The following PPP1R13L variants were observed in gnomAD, a reference collection of about 807,000 sequenced individuals.
PPP1R13L encodes the protein relA-associated inhibitor.
A neutral mutation model predicts 80.9 loss-of-function variants in PPP1R13L; 50 were observed. The ratio of observed to expected loss-of-function variants is 0.62; its 90% CI spans 0.49 to 0.78. PPP1R13L has a LOEUF of 0.78. Ranked by LOEUF, PPP1R13L falls within the 30% of genes least tolerant of loss-of-function variation. The probability of loss-of-function intolerance (pLI) is 0.00; values close to 1 mark genes in which losing one functional copy is unlikely to be tolerated. For synonymous variants in PPP1R13L, 602 were observed against 534.3 expected (o/e 1.13, Z -1.75); for missense variants, 1,200 against 1,205.9 (o/e 1.00, Z 0.07).
intron 12 of PPP1R13L, among the ~76,000 whole-genome samples, chr19:45,380,449 C>T (rs529152553): frequency 6.6e-6 from 1 of 152,266 alleles, no homozygotes; most frequent in Non-Finnish European, 1.5e-5. Flanking sequence ...TGTCTCCTAA[C>T]TGCCATAAGG....
chr19:45,379,682 T>G lies in PPP1R13L; in HGVS notation c.*508A>C, dbSNP rs144052015. The G allele has an allele frequency of 2.9e-3, 449 of 153,474 alleles. 1 individual carries two copies. Among genetic ancestry groups the G allele is most frequent in the Non-Finnish European group, 5.2e-3 (355 of 68,790 alleles). 9.5% of individuals were successfully genotyped at this position (153,474 alleles called of 1,614,324 possible). On this transcript the variant is annotated 3_prime_UTR_variant, in exon 13 of 13. Transcript: ENST00000360957. ...TATTTATAAGGAAAGTTTCTCTATT[T>G]TGTTTATAAACATTAAACCAGTGCT...
At chr19:45,385,523 C>T in intron 11 of PPP1R13L, 39 bp downstream of exon 11, 1 of 1,574,392 alleles carries the variant, frequency 6.4e-7, no homozygotes, top group Non-Finnish European at 8.6e-7. Context: ...CTCCTGCGCA[C>T]CCGCCAGGTA....
At position 45,396,305 on chromosome 19, in the gene PPP1R13L, G is replaced by C; in HGVS notation, c.811+33C>G. On this transcript the variant is annotated intron_variant, in intron 5 of 12. Coordinates refer to ENST00000360957, the MANE Select transcript of PPP1R13L (RefSeq NM_006663.4). This position sits in a 1 kb window ranked among gnomAD's most constrained non-coding sequence, Gnocchi z 5.3. ...GGGTCTGTGGGGCTGCCTCTCCTCCGGGTCCTCCATTCCCCGGGCCTCCAC... is the reference window on the plus strand; with the variant it reads ...GGGTCTGTGGGGCTGCCTCTCCTCCCGGTCCTCCATTCCCCGGGCCTCCAC... 1.2e-6 allele frequency: 2 copies of C among 1,613,746 alleles called. No individual in the cohort carries two copies. Among genetic ancestry groups the C allele is most frequent in the Non-Finnish European group, 1.7e-6 (2 of 1,179,954 alleles).
At position 45,391,879 on chromosome 19, in the gene PPP1R13L, C is replaced by G; in HGVS notation, c.1815+1G>C. 6.8e-7 allele frequency: 1 copy of G among 1,475,888 alleles called. No individual in the cohort carries two copies. Among genetic ancestry groups the G allele is most frequent in the Non-Finnish European group, 8.9e-7 (1 of 1,118,492 alleles). The allele number at this position is 1,475,888 out of a possible 1,614,324, so 91.4% of individuals were successfully genotyped here. On this transcript the variant is annotated splice_donor_variant, in intron 8 of 12. Coordinates refer to ENST00000360957, the MANE Select transcript of PPP1R13L (RefSeq NM_006663.4). LOFTEE classifies it high-confidence loss of function. ...CCCCGGTTTCCTCCTGTATTACTTA[C>G]CATGCTCTGCGGCTGCTCTGGTGGG...
chr19:45,393,969 T>C (rs113058985), intron 7 of PPP1R13L, among the ~76,000 whole-genome samples: 230 of 152,252 alleles, frequency 1.5e-3, no homozygotes, highest in African/African-American at 5.4e-3. Context: ...CACAATTCTA[T>C]AGGGTAGATA....
intron 7 of PPP1R13L, chr19:45,392,837 T>C (rs1973004666): frequency 8.8e-6 from 2 of 228,546 alleles, no homozygotes; most frequent in Admixed American, 1.1e-4. Context: ...TTCTCTGTCT[T>C]ACTCATTCTG....
At chr19:45,387,981 C>T (rs923333294) in intron 8 of PPP1R13L, among the ~76,000 whole-genome samples, 1 of 151,998 alleles carries the variant, frequency 6.6e-6, no homozygotes, top group African/African-American at 2.4e-5. Context: ...CCAGCCTGGC[C>T]AACGTGGTGA....
intron 12 of PPP1R13L, 98 bp downstream of exon 12, chr19:45,382,429 C>T (rs1279553482): frequency 2.1e-6 from 3 of 1,399,736 alleles, no homozygotes; most frequent in Admixed American, 1.9e-5. Context: ...CCCAATATAA[C>T]GGTTTGTTCC....
At chr19:45,398,585 C>CT (rs113649282) in intron 1 of PPP1R13L, among the ~76,000 whole-genome samples, 8,211 of 136,490 alleles carry the variant, frequency 0.06, 570 homozygotes, top group African/African-American at 0.16. Flanking sequence ...TTTTTCTTTT[C>CT]TTTTTTTTTT....
In PPP1R13L at chr19:45,395,886, C is replaced by T; in HGVS notation, c.904G>A (p.Asp302Asn). The T allele has an allele frequency of 6.3e-7, 1 of 1,583,526 alleles. No individual in the cohort carries two copies. The highest frequency in any genetic ancestry group is 2.3e-5 in the East Asian group (1 of 44,046). The change falls in exon 7 of 13, where the codon GAC (aspartate) becomes AAC (asparagine). Residue 302 changes from aspartate to asparagine, a missense_variant and splice_region_variant. Coordinates refer to ENST00000360957, the MANE Select transcript of PPP1R13L (RefSeq NM_006663.4). ...SLDGLGGTGK[D>N]NLTSATLPRN... The stretch of plus-strand genomic sequence containing the variant: ...GGCAGGGTGGCGCTAGTGAGGTTGT[C>T]CTGGGGAAGAGGGAAGGGAGAAGGG...
In PPP1R13L at chr19:45,398,146, C is replaced by A. The variant is rs925564099; in HGVS notation, c.57G>T (p.Ser19=). 1.2e-6 allele frequency: 2 copies of A among 1,613,694 alleles called. No homozygotes were observed. The stretch of plus-strand genomic sequence containing the variant: ...TCAGATCCATGTGTTTCATGGCCAG[C>A]GCTGGGAAGGTGGGAGTGGAGGTAA... ...ARDFLDMNFQ[S]LAMKHMDLKQ... Residue 19 remains serine, a splice_region_variant and synonymous_variant, in exon 3 of 13, where the codon TCG becomes TCT. Coordinates refer to ENST00000360957, the MANE Select transcript of PPP1R13L (RefSeq NM_006663.4).
upstream of PPP1R13L, among the ~76,000 whole-genome samples, chr19:45,405,445 C>T (rs148980237): frequency 1.3e-5 from 2 of 152,200 alleles, no homozygotes; most frequent in African/African-American, 4.8e-5. Context: ...CGGGTTGGAT[C>T]TTCAAAGGAT....
chr19:45,385,444 C>A, intron 11 of PPP1R13L, 118 bp downstream of exon 11: 1 of 1,234,392 alleles, frequency 8.1e-7, no homozygotes, highest in Non-Finnish European at 1.1e-6. Context: ...CCTCGGCAAT[C>A]CTGCCAAGTG....
rs752411649 is a variant in PPP1R13L at position 45,392,304 on chromosome 19, G to A, written c.1391C>T (p.Pro464Leu). ...TGGTGTCAGCAGCCCCTCTATCTCC[G>A]GCTCAGGCTCCAGCTCGGTGGGGGG... Reference protein sequence around the residue: ...PKPPTELEPEPEIEGLLTPVL... With the variant: ...PKPPTELEPELEIEGLLTPVL... The change falls in exon 8 of 13, where the codon CCG becomes CTG. Residue 464 changes from proline (P) to leucine (L), a missense_variant. Transcript: ENST00000360957. 32 of 1,613,446 alleles carry A rather than the reference G, an allele frequency of 2.0e-5. No homozygotes were observed. Among genetic ancestry groups the A allele is most frequent in the South Asian group, 1.8e-4 (16 of 91,070 alleles).
Position 45,382,740 on chromosome 19 carries a change from C to T in PPP1R13L, c.2249-14G>A. 1.2e-6 allele frequency: 2 copies of T among 1,613,650 alleles called. No individual in the cohort carries two copies. Among genetic ancestry groups the T allele is most frequent in the Non-Finnish European group, 1.7e-6 (2 of 1,179,874 alleles). ...TCTGCTCGACGTCTGAAACATGCCA[C>T]GGAGGGGAAGGTGAGAGCCTGGCCC... is the stretch of plus-strand genomic sequence containing the variant. On this transcript the variant is annotated splice_polypyrimidine_tract_variant and intron_variant, in intron 11 of 12. Transcript: ENST00000360957.
At chr19:45,397,498 C>CTTTCTTTCTT (rs1973135160) in intron 3 of PPP1R13L, among the ~76,000 whole-genome samples, 2 of 112,576 alleles carry the variant, frequency 1.8e-5, no homozygotes, top group Non-Finnish European at 3.3e-5. Flanking sequence ...TTCTTTCTTT[C>CTTTCTTTCTT]TTTCTTTCTT....
In PPP1R13L at chr19:45,396,660, C is replaced by A; in HGVS notation, c.597G>T (p.Glu199Asp). The A allele has an allele frequency of 6.8e-7, 1 of 1,463,524 alleles. No individual in the cohort carries two copies. Among genetic ancestry groups the A allele is most frequent in the Non-Finnish European group, 8.9e-7 (1 of 1,118,810 alleles). The allele number at this position is 1,463,524 out of a possible 1,614,324, so 90.7% of individuals were successfully genotyped here. A position where few individuals can be genotyped will look rare whatever the true frequency, so the allele number is the denominator to read the frequency against. The change falls in exon 4 of 13, where the codon GAG becomes GAT. Residue 199 changes from glutamate (E) to aspartate (D), a missense_variant. Coordinates refer to ENST00000360957, the MANE Select transcript of PPP1R13L (RefSeq NM_006663.4). The surrounding 1 kb of genome is among the most constrained non-coding windows in gnomAD (Gnocchi z 5.3). Reference protein sequence around the residue: ...LAEGPQAFFPERGPSPRPPAT... With the variant: ...LAEGPQAFFPDRGPSPRPPAT... ...CAGGGGGGCGCGGTGACGGCCCACG[C>A]TCGGGGAAGAAGGCCTGGGGCCCCT...
At chr19:45,398,744 C>T (rs1973169007) in intron 1 of PPP1R13L, among the ~76,000 whole-genome samples, 1 of 151,442 alleles carries the variant, frequency 6.6e-6, no homozygotes, top group South Asian at 2.1e-4. Flanking sequence ...CCATTATGCC[C>T]GGCTAATTTT....
At chr19:45,394,438 CT>C (rs1303144201) in intron 7 of PPP1R13L, among the ~76,000 whole-genome samples, 1 of 151,832 alleles carries the variant, frequency 6.6e-6, no homozygotes, top group Admixed American at 6.6e-5. Context: ...GCCACGGTGC[CT>C]GGCTAATATG....
Sources: gnomAD v4.1 joint callset for allele counts (sites outside exome capture counted in the v4.1 genomes callset) on GRCh38, gnomAD v4.1.1 for gene constraint, Gnocchi (gnomAD v3.1) non-coding constraint, MANE v1.5 for transcripts, NCBI Gene and HGNC (gene_info 2026-07-23, HGNC 2026-07-21) for gene names.